SPTBN2: variants seen among roughly 807,000 people sequenced by gnomAD.
SPTBN2 encodes the protein spectrin beta chain, non-erythrocytic 2.
Under a neutral mutation model 284.2 loss-of-function variants are expected in SPTBN2, and 107 were observed. The observed-to-expected ratio is 0.38, with a 90% CI of 0.32 to 0.44. The LOEUF is 0.44. Ranked by LOEUF, SPTBN2 falls within the 20% of genes least tolerant of loss-of-function variation. The pLI is 1.00. For missense variants in SPTBN2, 2,569 were observed against 3,287.1 expected (o/e 0.78, Z 5.34); for synonymous variants, 1,289 against 1,354.8 (o/e 0.95, Z 1.07).
At chr11:66,735,193 C>T (rs184825971) in intron 1 of SPTBN2, among the ~76,000 whole-genome samples, 3 of 151,998 alleles carry the variant, frequency 2.0e-5, no homozygotes, top group Admixed American at 1.3e-4. Flanking sequence ...ATTAGCCAGG[C>T]GTGGTGGCGC....
chr11:66,705,902 T>C (rs1941530755), intron 13 of SPTBN2, 65 bp from the exon 14 acceptor site: 1 of 1,566,596 alleles, frequency 6.4e-7, no homozygotes, highest in Admixed American at 1.8e-5. Flanking sequence ...GGCTGCGTTT[T>C]TCTTCCAACT....
At chr11:66,731,157 T>A (rs1942808865), upstream of SPTBN2, among the ~76,000 whole-genome samples, 1 of 152,228 alleles carries the variant, frequency 6.6e-6, no homozygotes, top group African/African-American at 2.4e-5. Context: ...AGTAAGCACT[T>A]AATCAGTATC....
chr11:66,727,297 C>T (rs1251829571), intron 1 of SPTBN2, among the ~76,000 whole-genome samples: 1 of 152,222 alleles, frequency 6.6e-6, no homozygotes, highest in African/African-American at 2.4e-5. Flanking sequence ...GCTACCTCTG[C>T]CCATACCTGA....
chr11:66,733,862 C>A (rs1393176115), upstream of SPTBN2, among the ~76,000 whole-genome samples: 1 of 151,898 alleles, frequency 6.6e-6, no homozygotes, highest in Non-Finnish European at 1.5e-5. Context: ...CCTGTAGTCC[C>A]AGCTACTCGG....
Position 66,714,320 on chromosome 11 carries a change from C to A in SPTBN2, c.571G>T (p.Ala191Ser). 2 of 1,613,988 alleles carry A rather than the reference C, an allele frequency of 1.2e-6. No individual in the cohort carries two copies. Among genetic ancestry groups the A allele is most frequent in the Non-Finnish European group, 1.7e-6 (2 of 1,179,972 alleles). ...ACACGCCCAGGGTGTCCTCACCCTG[C>A]AGTCTTCATCTGGCACCACAGAAGC... The part of the protein sequence containing the change: ...ALLLWCQMKT[A>S]GYPNVNVHNF... Residue 191 changes from alanine to serine, a missense_variant, in exon 6 of 38, where the codon GCA (alanine) becomes TCA (serine). This residue lies in a region of SPTBN2 where 304 missense variants were observed against 522.1 expected (regional missense o/e 0.58). Transcript: ENST00000533211.
chr11:66,734,416 C>T (rs771233787), intron 1 of SPTBN2, among the ~76,000 whole-genome samples: 3 of 152,280 alleles, frequency 2.0e-5, no homozygotes, highest in Middle Eastern at 3.4e-3. Context: ...CCTCTCCAGC[C>T]TGGTCTCTCA....
At chr11:66,711,149 G>A in intron 8 of SPTBN2, 120 bp from the exon 9 acceptor site, 2 of 794,644 alleles carry the variant, frequency 2.5e-6, no homozygotes, top group South Asian at 2.8e-5. Flanking sequence ...TCTCCTTTTA[G>A]AGCAAAATGA....
At position 66,701,369 on chromosome 11, in the gene SPTBN2, C is replaced by T. The variant is rs558921149; in HGVS notation, c.2817-87G>A. On this transcript the variant is annotated intron_variant, in intron 16 of 37. Coordinates refer to ENST00000533211, the MANE Select transcript of SPTBN2 (RefSeq NM_006946.4). ...CTGCTTCTCTCTCTCTTGGTAGCTCCCCTTCACTCCTCCCTTTCTGGCCAG... is the reference window on the plus strand; with the variant it reads ...CTGCTTCTCTCTCTCTTGGTAGCTCTCCTTCACTCCTCCCTTTCTGGCCAG... 36 of 1,558,112 alleles carry T rather than the reference C, an allele frequency of 2.3e-5. No individual in the cohort carries two copies. The South Asian group carries it at 3.9e-4, about 17-fold the overall frequency.
Position 66,685,040 on chromosome 11 carries a change from A to AAAAG in SPTBN2, c.*827_*830dup, listed in dbSNP as rs1450829583. On this transcript the variant is annotated 3_prime_UTR_variant, in exon 38 of 38. Coordinates refer to ENST00000533211, the MANE Select transcript of SPTBN2 (RefSeq NM_006946.4). The surrounding 1 kb of genome is among the most constrained non-coding windows in gnomAD (Gnocchi z 4.4). ...ACCCATGGTGAACTACTTTGGTTTA[A>AAAAG]AAAGAGGCTTGGCATTGGTCAACCC... Among the ~76,000 whole-genome samples, 2 of 152,204 alleles carry AAAAG rather than the reference A, an allele frequency of 1.3e-5. No homozygotes were observed. The highest frequency in any genetic ancestry group is 3.8e-4 in the East Asian group (2 of 5,196).
rs2135362518 is a variant in SPTBN2, at chr11:66,693,556, C to T, written c.4594-110G>A. 1.3e-6 allele frequency: 2 copies of T among 1,508,768 alleles called. No homozygotes were observed. The highest frequency in any genetic ancestry group is 1.8e-6 in the Non-Finnish European group (2 of 1,123,612). The allele number at this position is 1,508,768 out of a possible 1,614,324, so 93.5% of individuals were successfully genotyped here. On this transcript the variant is annotated intron_variant, in intron 23 of 37. Coordinates refer to ENST00000533211, the MANE Select transcript of SPTBN2 (RefSeq NM_006946.4). This position sits in a 1 kb window ranked among gnomAD's most constrained non-coding sequence, Gnocchi z 5.7. ...TCTCTCCTTCCTGGGTCCTCTGCTCCCTCTCCTAGCCTGGGGGTGCGATGG... is the reference window on the plus strand; with the variant it reads ...TCTCTCCTTCCTGGGTCCTCTGCTCTCTCTCCTAGCCTGGGGGTGCGATGG...
rs755976699 is a variant in SPTBN2, at chr11:66,715,230, G to A, written c.475C>T (p.Arg159Ter). Residue 159 changes from arginine to a stop codon, truncating the protein, a stop_gained, in exon 5 of 38, where the codon CGA becomes TGA. Transcript: ENST00000533211. LOFTEE classifies it high-confidence loss of function. The surrounding 1 kb of genome is among the most constrained non-coding windows in gnomAD (Gnocchi z 5.3). ...ACAGTGTGCTGGGGTACCTGGAATCGAAGGATGATGGTCCAGACCAGCCCA... is the reference window on the plus strand; with the variant it reads ...ACAGTGTGCTGGGGTACCTGGAATCAAAGGATGATGGTCCAGACCAGCCCA... ...TLGLVWTIIL[R>*]FQIQDISVET... The A allele has an allele frequency of 2.5e-6, 4 of 1,614,224 alleles. No individual in the cohort carries two copies. The highest frequency in any genetic ancestry group is 2.2e-5 in the East Asian group (1 of 44,884).
Position 66,689,830 on chromosome 11 carries a change from G to A in SPTBN2, c.5924C>T (p.Ala1975Val). The A allele has an allele frequency of 6.2e-7, 1 of 1,613,988 alleles. No homozygotes were observed. The highest frequency in any genetic ancestry group is 8.5e-7 in the Non-Finnish European group (1 of 1,180,040). ...CTCCTCGGCCGCATAGTGGCTCCTG[G>A]CCAGCAGCTCCTTCCCCATGTCGAT... ...SCIDMGKELL[A>V]RSHYAAEEIS... is the part of the protein sequence containing the mutation. The change falls in exon 29 of 38, where the codon GCC becomes GTC. Residue 1975 changes from alanine to valine, a missense_variant. Around this residue, in one of 6 missense-constraint regions of SPTBN2, gnomAD observed 1,130 missense variants for 1,317.3 expected, o/e 0.86. Coordinates refer to ENST00000533211, the MANE Select transcript of SPTBN2 (RefSeq NM_006946.4).
intron 16 of SPTBN2, 50 bp downstream of exon 16, chr11:66,701,534 C>A: frequency 1.2e-6 from 2 of 1,614,030 alleles, no homozygotes; most frequent in South Asian, 1.1e-5. Flanking sequence ...CTGCCATCCC[C>A]ATTGCTTCAT....
rs765095021 is a variant in SPTBN2 at position 66,710,792 on chromosome 11, G to T, written c.886-23C>A. 1 of 1,613,284 alleles carries T rather than the reference G, an allele frequency of 6.2e-7. No homozygotes were observed. Among genetic ancestry groups the T allele is most frequent in the South Asian group, 1.1e-5 (1 of 91,052 alleles). On this transcript the variant is annotated intron_variant, in intron 9 of 37. Transcript: ENST00000533211. The surrounding 1 kb of genome is among the most constrained non-coding windows in gnomAD (Gnocchi z 4.9). ...CACCTGGGAGGCAGAAGACAGGGAC[G>T]TGACAGTCCCAGCCACAGGGTCCCT...
chr11:66,716,026 T>A, intron 3 of SPTBN2, 45 bp from the exon 4 acceptor site: 1 of 1,612,758 alleles, frequency 6.2e-7, no homozygotes, highest in Non-Finnish European at 8.5e-7. Flanking sequence ...GAGTTCAGTA[T>A]GCCTGCTTCT....
intron 1 of SPTBN2, among the ~76,000 whole-genome samples, chr11:66,742,991 A>G (rs1222809258): frequency 6.6e-6 from 1 of 152,164 alleles, no homozygotes; most frequent in Admixed American, 6.5e-5. Context: ...ATTTTCTTAC[A>G]AGATAGTTGA....
At chr11:66,721,766 T>C (rs1446939895) in intron 1 of SPTBN2, among the ~76,000 whole-genome samples, 1 of 152,094 alleles carries the variant, frequency 6.6e-6, no homozygotes, top group Non-Finnish European at 1.5e-5. Flanking sequence ...CCCAGATTTG[T>C]TGGGCGCGGT....
chr11:66,684,519 A>G lies in SPTBN2; in HGVS notation c.*1352T>C, dbSNP rs915705703. On this transcript the variant is annotated 3_prime_UTR_variant, in exon 38 of 38. Transcript: ENST00000533211. The stretch of plus-strand genomic sequence containing the variant: ...GTATGATGGCATGTGCCTGTGGTTC[A>G]GGCTACTCGGGAGGCTGAGGTGGGA... Among the ~76,000 whole-genome samples the G allele has an allele frequency of 2.0e-4, 30 of 151,710 alleles. No individual in the cohort carries two copies. Among genetic ancestry groups the G allele is most frequent in the African/African-American group, 6.8e-4 (28 of 41,282 alleles).
chr11:66,719,355 T>C (rs1942290283), intron 3 of SPTBN2, among the ~76,000 whole-genome samples: 1 of 152,218 alleles, frequency 6.6e-6, no homozygotes, highest in African/African-American at 2.4e-5. Context: ...GCTGGGCACA[T>C]ATACCAGGCG....
Sources: gnomAD v4.1 joint callset for allele counts (sites outside exome capture counted in the v4.1 genomes callset) on GRCh38, gnomAD v4.1.1 for gene constraint, gnomAD v4.1.1 regional missense constraint, Gnocchi (gnomAD v3.1) non-coding constraint, MANE v1.5 for transcripts, NCBI Gene and HGNC (gene_info 2026-07-23, HGNC 2026-07-21) for gene names.